Variants in TAS2R4 observed in about 807,000 individuals in gnomAD.
The protein encoded by TAS2R4 is taste receptor type 2 member 4.
A neutral mutation model predicts 14.3 loss-of-function variants in TAS2R4; 18 were observed. The observed-to-expected ratio is 1.26, with a 90% CI of 0.87 to 1.86. TAS2R4 has a LOEUF of 1.86. Among genes scored for constraint, TAS2R4 ranks in the 40% most tolerant of loss-of-function variants. The probability of loss-of-function intolerance (pLI) is 0.00; values close to 1 mark genes in which losing one functional copy is unlikely to be tolerated. For synonymous variants in TAS2R4, 130 were observed against 138.5 expected, an observed-to-expected ratio of 0.94 and a Z score of 0.43; for missense variants, 306 against 342.7, an observed-to-expected ratio of 0.89 and a Z score of 0.85.
rs1800271122 is a variant in TAS2R4, at chr7:141,778,462, C to T, written c.-27C>T. ...TCTTCTGCCTCCACTATCAGCACCA[C>T]AACTGCTGAATCCTCAATGAGTAAA... is the stretch of plus-strand genomic sequence containing the variant. On this transcript the variant is annotated 5_prime_UTR_variant, in exon 1 of 1. The change creates a premature stop within an existing upstream ORF in the 5' untranslated region. Coordinates refer to ENST00000247881, the MANE Select transcript of TAS2R4 (RefSeq NM_016944.2). 5 of 1,582,298 alleles carry T rather than the reference C, an allele frequency of 3.2e-6. No individual in the cohort carries two copies. Among genetic ancestry groups the T allele is most frequent in the Non-Finnish European group, 4.3e-6 (5 of 1,163,656 alleles).
In TAS2R4 at chr7:141,778,864, TC is replaced by T. The variant is rs780927917; in HGVS notation, c.380del (p.Pro127GlnfsTer12). On this transcript the variant is annotated frameshift_variant, in exon 1 of 1. Transcript: ENST00000247881. LOFTEE classifies it high-confidence loss of function. ...SVFLLLKRNISPKIPRLLLAC... is the reference protein window; with the variant it reads ...SVFLLLKRNIXPKIPRLLLAC... ...GTTTCTCCTGCTGAAGCGGAATATC[TC>T]CCCAAAGATCCCCAGGCTGCTGCTG... 6.2e-7 allele frequency: 1 copy of T among 1,614,192 alleles called. No homozygotes were observed. The highest frequency in any genetic ancestry group is 1.1e-5 in the South Asian group (1 of 91,084).
rs889091594 is a variant in TAS2R4, at chr7:141,780,303, C to G, written c.*915C>G. The G allele has an allele frequency of 6.6e-5, 10 of 152,150 alleles. No homozygotes were observed. Among genetic ancestry groups the G allele is most frequent in the African/African-American group, 2.4e-4 (10 of 41,418 alleles). 9.4% of individuals were successfully genotyped at this position (152,150 alleles called of 1,614,324 possible). A position where few individuals can be genotyped will look rare whatever the true frequency, so the allele number is the denominator to read the frequency against. On this transcript the variant is annotated 3_prime_UTR_variant, in exon 1 of 1. Coordinates refer to ENST00000247881, the MANE Select transcript of TAS2R4 (RefSeq NM_016944.2). The stretch of plus-strand genomic sequence containing the variant: ...ACTGTGCTATTCCTAGCAAGAAACC[C>G]TAAGGTTTCTAGGCTTGTTCTGGAA...
In TAS2R4 at chr7:141,778,368, C is replaced by G. The variant is rs1361984007; in HGVS notation, c.-121C>G. ...GATCATGAATGGCTCATTTGCCATG[C>G]TGGGAAAAATTAAAAAGGAGATGTC... On this transcript the variant is annotated 5_prime_UTR_variant, in exon 1 of 1. Transcript: ENST00000247881. 1.1e-6 allele frequency: 1 copy of G among 922,648 alleles called. No individual in the cohort carries two copies. The highest frequency in any genetic ancestry group is 2.9e-5 in the Admixed American group (1 of 34,990). 57.2% of individuals were successfully genotyped at this position (922,648 alleles called of 1,614,324 possible).
In TAS2R4 at chr7:141,779,504, A is replaced by C; in HGVS notation, c.*116A>C. The stretch of plus-strand genomic sequence containing the variant: ...GTTTTGTGATTGCTGATCTGACATC[A>C]TAGGCTTTTGAGTGCCTGAATTTCA... On this transcript the variant is annotated 3_prime_UTR_variant, in exon 1 of 1. Coordinates refer to ENST00000247881, the MANE Select transcript of TAS2R4 (RefSeq NM_016944.2). The C allele has an allele frequency of 9.5e-7, 1 of 1,058,002 alleles. No homozygotes were observed. The highest frequency in any genetic ancestry group is 1.3e-6 in the Non-Finnish European group (1 of 771,168). The allele number at this position is 1,058,002 out of a possible 1,614,324, so 65.5% of individuals were successfully genotyped here.
chr7:141,776,882 T>C lies in TAS2R4; in HGVS notation c.-1607T>C, dbSNP rs1193899410. 6.6e-6 allele frequency among the ~76,000 whole-genome samples: 1 copy of C among 152,192 alleles called. No individual in the cohort carries two copies. The highest frequency in any genetic ancestry group is 1.5e-5 in the Non-Finnish European group (1 of 68,028). On this transcript the variant is annotated 5_prime_UTR_variant, in exon 1 of 1. Transcript: ENST00000247881. ...GAATGAGCTCATTCATTGATTGTGCTAGCCAACCTTATCACATCTTAATTA... is the reference window on the plus strand; with the variant it reads ...GAATGAGCTCATTCATTGATTGTGCCAGCCAACCTTATCACATCTTAATTA...
In TAS2R4 at chr7:141,776,867, A is replaced by G. The variant is rs911089002; in HGVS notation, c.-1622A>G. 1.3e-5 allele frequency among the ~76,000 whole-genome samples: 2 copies of G among 152,154 alleles called. No homozygotes were observed. The highest frequency in any genetic ancestry group is 1.3e-4 in the Admixed American group (2 of 15,276). ...AAATAACTTCTAACTGAATGAGCTC[A>G]TTCATTGATTGTGCTAGCCAACCTT... On this transcript the variant is annotated 5_prime_UTR_variant, in exon 1 of 1. Transcript: ENST00000247881.
In TAS2R4 at chr7:141,778,698, C is replaced by G. The variant is rs899004525; in HGVS notation, c.210C>G (p.Val70=). The G allele has an allele frequency of 9.7e-5, 156 of 1,614,092 alleles. No individual in the cohort carries two copies. Among genetic ancestry groups the G allele is most frequent in the Non-Finnish European group, 1.3e-4 (153 of 1,180,054 alleles). Reference sequence around the variant, plus strand: ...TTCTGGTGAACACCATCTACTTCGTCTCTTCAAATACGGAAAGGTCAGTCT... The same window carrying G: ...TTCTGGTGAACACCATCTACTTCGTGTCTTCAAATACGGAAAGGTCAGTCT... ...GLFLVNTIYF[V]SSNTERSVYL... The change falls in exon 1 of 1, where the codon GTC becomes GTG. Residue 70 remains valine, a synonymous_variant. Transcript: ENST00000247881.
rs1305883146 is a variant in TAS2R4, at chr7:141,780,750, T to C, written c.*1362T>C. On this transcript the variant is annotated 3_prime_UTR_variant, in exon 1 of 1. Transcript: ENST00000247881. Reference sequence around the variant, plus strand: ...CATAATTTGTATTTATTTAGGTTTTTTTTGGTGTTCATAAAATGCTTATGT... The same window carrying C: ...CATAATTTGTATTTATTTAGGTTTTCTTTGGTGTTCATAAAATGCTTATGT... 1 of 152,214 alleles carries C rather than the reference T, an allele frequency of 6.6e-6. No homozygotes were observed. Among genetic ancestry groups the C allele is most frequent in the East Asian group, 1.9e-4 (1 of 5,198 alleles). 9.4% of individuals were successfully genotyped at this position (152,214 alleles called of 1,614,324 possible). A position where few individuals can be genotyped will look rare whatever the true frequency, so the allele number is the denominator to read the frequency against.
At position 141,781,014 on chromosome 7, in the gene TAS2R4, G is replaced by T. The variant is rs1332744933; in HGVS notation, c.*1626G>T. Reference sequence around the variant, plus strand: ...AAATGAGTGGCAGAAACCCTCATTGGTCCCTCAGTATCTGTTCTTTCTCCT... The same window carrying T: ...AAATGAGTGGCAGAAACCCTCATTGTTCCCTCAGTATCTGTTCTTTCTCCT... On this transcript the variant is annotated 3_prime_UTR_variant, in exon 1 of 1. Transcript: ENST00000247881. Among the ~76,000 whole-genome samples the T allele has an allele frequency of 6.7e-6, 1 of 149,466 alleles. No homozygotes were observed. The highest frequency in any genetic ancestry group is 1.5e-5 in the Non-Finnish European group (1 of 67,698).
rs1340699616 is a variant in TAS2R4 at position 141,781,370 on chromosome 7, GA to G, written c.*1985del. Among the ~76,000 whole-genome samples the G allele has an allele frequency of 6.6e-6, 1 of 152,154 alleles. No individual in the cohort carries two copies. Among genetic ancestry groups the G allele is most frequent in the African/African-American group, 2.4e-5 (1 of 41,438 alleles). ...GCCTGAACTCCAGGACTGTTGATGA[GA>G]AATCAGTGTCTCCATTCTTTCAGGT... On this transcript the variant is annotated 3_prime_UTR_variant, in exon 1 of 1. Coordinates refer to ENST00000247881, the MANE Select transcript of TAS2R4 (RefSeq NM_016944.2).
In TAS2R4 at chr7:141,777,564, C is replaced by A. The variant is rs1040700467; in HGVS notation, c.-925C>A. On this transcript the variant is annotated 5_prime_UTR_variant, in exon 1 of 1. The change creates a premature stop within an existing upstream ORF in the 5' untranslated region. Transcript: ENST00000247881. The stretch of plus-strand genomic sequence containing the variant: ...TTGCCATTTCCCATCTGAGCAAGTA[C>A]AGAGAAATCCAGCAATGAGATGCCT... Among the ~76,000 whole-genome samples the A allele has an allele frequency of 6.6e-6, 1 of 152,168 alleles. No homozygotes were observed. The highest frequency in any genetic ancestry group is 6.5e-5 in the Admixed American group (1 of 15,278).
rs2117223315 is a variant in TAS2R4 at position 141,779,193 on chromosome 7, C to T, written c.705C>T (p.Phe235=). ...HVGAMKLMVY[F]LILYIPYSVA... ...GTGCTATGAAGCTGATGGTCTATTT[C>T]CTCATCCTCTACATTCCATATTCAG... Residue 235 remains phenylalanine, a synonymous_variant, in exon 1 of 1, where the codon TTC becomes TTT. Coordinates refer to ENST00000247881, the MANE Select transcript of TAS2R4 (RefSeq NM_016944.2). The T allele has an allele frequency of 4.3e-6, 7 of 1,614,140 alleles. No individual in the cohort carries two copies. The highest frequency in any genetic ancestry group is 5.9e-6 in the Non-Finnish European group (7 of 1,180,012).
rs956615228 is a variant in TAS2R4, at chr7:141,777,870, G to A, written c.-619G>A. The stretch of plus-strand genomic sequence containing the variant: ...AATTGAGAAAGGTTTTCTCAAGGAG[G>A]TATTGGGTCTTTGAACTTGATCTAT... On this transcript the variant is annotated 5_prime_UTR_variant, in exon 1 of 1. Coordinates refer to ENST00000247881, the MANE Select transcript of TAS2R4 (RefSeq NM_016944.2). Among the ~76,000 whole-genome samples, 1 of 152,188 alleles carries A rather than the reference G, an allele frequency of 6.6e-6. No homozygotes were observed. The highest frequency in any genetic ancestry group is 1.5e-5 in the Non-Finnish European group (1 of 68,036).
In TAS2R4 at chr7:141,778,891, GC is replaced by G; in HGVS notation, c.405del (p.Cys136ValfsTer3). 3 of 1,614,192 alleles carry G rather than the reference GC, an allele frequency of 1.9e-6. No individual in the cohort carries two copies. The highest frequency in any genetic ancestry group is 2.5e-6 in the Non-Finnish European group (3 of 1,180,036). On this transcript the variant is annotated frameshift_variant, in exon 1 of 1. Transcript: ENST00000247881. LOFTEE classifies it high-confidence loss of function. ...CCCAAAGATCCCCAGGCTGCTGCTG[GC>G]CTGTGTGCTGATTTCTGCTTTCACC... ...ISPKIPRLLL[A>X]CVLISAFTTC...
At position 141,778,473 on chromosome 7, in the gene TAS2R4, T is replaced by A. The variant is rs778374379; in HGVS notation, c.-16T>A. ...CACTATCAGCACCACAACTGCTGAATCCTCAATGAGTAAAGATGCTTCGGT... is the reference window on the plus strand; with the variant it reads ...CACTATCAGCACCACAACTGCTGAAACCTCAATGAGTAAAGATGCTTCGGT... On this transcript the variant is annotated 5_prime_UTR_variant, in exon 1 of 1. Coordinates refer to ENST00000247881, the MANE Select transcript of TAS2R4 (RefSeq NM_016944.2). 1.3e-6 allele frequency: 2 copies of A among 1,595,334 alleles called. No homozygotes were observed. Among genetic ancestry groups the A allele is most frequent in the Admixed American group, 3.4e-5 (2 of 58,480 alleles).
At position 141,778,792 on chromosome 7, in the gene TAS2R4, C is replaced by A; in HGVS notation, c.304C>A (p.Leu102Ile). The A allele has an allele frequency of 1.2e-6, 2 of 1,614,144 alleles. No individual in the cohort carries two copies. The highest frequency in any genetic ancestry group is 1.7e-6 in the Non-Finnish European group (2 of 1,180,032). The change falls in exon 1 of 1, where the codon CTC becomes ATC. Residue 102 changes from leucine (L) to isoleucine (I), a missense_variant. Leu to Ile is a conservative substitution (Grantham distance 5, BLOSUM62 2). Coordinates refer to ENST00000247881, the MANE Select transcript of TAS2R4 (RefSeq NM_016944.2). ...DSSSVWFVTLLNILYCVKITN... is the reference protein window; with the variant it reads ...DSSSVWFVTLINILYCVKITN... ...GAGCAGTGTCTGGTTTGTGACCTTG[C>A]TCAATATCTTGTACTGTGTGAAGAT...
In TAS2R4 at chr7:141,779,375, G is replaced by T; in HGVS notation, c.887G>T (p.Cys296Phe). 6.3e-7 allele frequency: 1 copy of T among 1,593,100 alleles called. No homozygotes were observed. Among genetic ancestry groups the T allele is most frequent in the Non-Finnish European group, 8.6e-7 (1 of 1,168,094 alleles). ...KLKTTAKKIL[C>F]FKK ...AAAACAACAGCAAAGAAGATTCTTT[G>T]TTTCAAAAAATAGTGGAATTTCAGT... is the stretch of plus-strand genomic sequence containing the variant. Residue 296 changes from cysteine (C) to phenylalanine (F), a missense_variant, in exon 1 of 1, where the codon TGT (cysteine) becomes TTT (phenylalanine). Transcript: ENST00000247881.
Position 141,778,883 on chromosome 7 carries a change from T to C in TAS2R4, c.395T>C (p.Leu132Pro). The C allele has an allele frequency of 1.2e-6, 2 of 1,614,242 alleles. No homozygotes were observed. Among genetic ancestry groups the C allele is most frequent in the Non-Finnish European group, 1.7e-6 (2 of 1,180,038 alleles). The change falls in exon 1 of 1, where the codon CTG becomes CCG. Residue 132 changes from leucine (L) to proline (P), a missense_variant. By Grantham distance (98) the Leu-to-Pro change is moderately conservative. Coordinates refer to ENST00000247881, the MANE Select transcript of TAS2R4 (RefSeq NM_016944.2). Reference protein sequence around the residue: ...KRNISPKIPRLLLACVLISAF... With the variant: ...KRNISPKIPRPLLACVLISAF... ...AATATCTCCCCAAAGATCCCCAGGC[T>C]GCTGCTGGCCTGTGTGCTGATTTCT...
Position 141,778,796 on chromosome 7 carries a change from A to C in TAS2R4, c.308A>C (p.Asn103Thr). The change falls in exon 1 of 1, where the codon AAT (asparagine) becomes ACT (threonine). Residue 103 changes from asparagine (N) to threonine (T), a missense_variant. Physicochemically the swap from Asn to Thr is moderately conservative, Grantham distance 65 (BLOSUM62 0). Transcript: ENST00000247881. Reference sequence around the variant, plus strand: ...AGTGTCTGGTTTGTGACCTTGCTCAATATCTTGTACTGTGTGAAGATTACT... The same window carrying C: ...AGTGTCTGGTTTGTGACCTTGCTCACTATCTTGTACTGTGTGAAGATTACT... ...SSSVWFVTLL[N>T]ILYCVKITNF... The C allele has an allele frequency of 6.2e-7, 1 of 1,614,186 alleles. No individual in the cohort carries two copies. Among genetic ancestry groups the C allele is most frequent in the South Asian group, 1.1e-5 (1 of 91,078 alleles).
Sources: allele counts gnomAD v4.1 joint callset (sites outside exome capture counted in the v4.1 genomes callset), GRCh38; gene constraint gnomAD v4.1.1; transcripts MANE v1.5; gene names NCBI Gene and HGNC (gene_info 2026-07-23, HGNC 2026-07-21).